ZSCAN18: variants seen among roughly 807,000 people sequenced by gnomAD.
ZSCAN18 encodes the protein zinc finger and SCAN domain-containing protein 18.
A neutral mutation model predicts 31.1 loss-of-function variants in ZSCAN18; 16 were observed. The ratio of observed to expected loss-of-function variants is 0.51; its 90% CI spans 0.35 to 0.78. ZSCAN18 has a LOEUF of 0.78. ZSCAN18 is among the 30% of genes least tolerant of loss of function. The pLI, the probability that ZSCAN18 is intolerant of heterozygous loss-of-function variation, is 0.01. For missense variants in ZSCAN18, 731 were observed against 697.4 expected, an observed-to-expected ratio of 1.05 and a Z score of -0.54; for synonymous variants, 375 against 320.7, an observed-to-expected ratio of 1.17 and a Z score of -1.81.
intron 1 of ZSCAN18, chr19:58,118,256 C>G (rs1281105334): frequency 7.2e-7 from 1 of 1,387,380 alleles, no homozygotes; most frequent in Non-Finnish European, 9.7e-7. Context: ...CTCTGGAGTC[C>G]TTGACCCCAC....
At chr19:58,110,614 C>A (rs2074674415) in intron 1 of ZSCAN18, among the ~76,000 whole-genome samples, 1 of 152,232 alleles carries the variant, frequency 6.6e-6, no homozygotes, top group African/African-American at 2.4e-5. Flanking sequence ...GGAACATACT[C>A]CATTCTCCAC....
chr19:58,085,431 A>G (rs1237213823), intron 6 of ZSCAN18, 52 bp from the exon 7 acceptor site: 30 of 1,458,010 alleles, frequency 2.1e-5, no homozygotes, highest in Non-Finnish European at 2.5e-5. Flanking sequence ...GGCCAGGGAG[A>G]GGAGGACCCA....
intron 1 of ZSCAN18, chr19:58,097,946 T>C: frequency 2.0e-6 from 2 of 984,770 alleles, no homozygotes; most frequent in Non-Finnish European, 2.4e-6. Flanking sequence ...GCAGGGCCCC[T>C]CACCGATCTG....
chr19:58,090,062 C>T lies in ZSCAN18; in HGVS notation c.206G>A (p.Arg69Gln), dbSNP rs200201818. The T allele has an allele frequency of 2.0e-5, 32 of 1,613,758 alleles. No individual in the cohort carries two copies. The highest frequency in any genetic ancestry group is 2.5e-5 in the Non-Finnish European group (30 of 1,179,994). Residue 69 changes from arginine to glutamine, a missense_variant, in exon 2 of 7, where the codon CGG becomes CAG. By Grantham distance (43) the Arg-to-Gln change is conservative. Coordinates refer to ENST00000601144, the MANE Select transcript of ZSCAN18 (RefSeq NM_001145543.2). The surrounding 1 kb of genome is among the most constrained non-coding windows in gnomAD (Gnocchi z 4.7). ...EAAGPHQTLA[R>Q]LHELCRQWLM... Reference sequence around the variant, plus strand: ...CCACTGGCGGCACAGCTCATGCAGCCGGGCCAGGGTCTGGTGGGGCCCGGC... The same window carrying T: ...CCACTGGCGGCACAGCTCATGCAGCTGGGCCAGGGTCTGGTGGGGCCCGGC...
chr19:58,100,422 G>A (rs773278828), upstream of ZSCAN18, among the ~76,000 whole-genome samples: 2 of 152,122 alleles, frequency 1.3e-5, no homozygotes, highest in East Asian at 3.9e-4. Context: ...TCAATCGTGG[G>A]GCAGAGAGAG....
At chr19:58,085,480 G>C in intron 6 of ZSCAN18, 101 bp from the exon 7 acceptor site, 1 of 1,095,940 alleles carries the variant, frequency 9.1e-7, no homozygotes, top group Non-Finnish European at 1.3e-6. Context: ...CAGGGCTCCG[G>C]GCTCTGGATC....
chr19:58,106,298 G>A (rs1301488817), intron 1 of ZSCAN18, among the ~76,000 whole-genome samples: 1 of 152,176 alleles, frequency 6.6e-6, no homozygotes, highest in Non-Finnish European at 1.5e-5. Flanking sequence ...AGCTATGTAG[G>A]AGGCTAAGGT....
At chr19:58,100,699 A>AAGACCAGCC (rs1555802418), upstream of ZSCAN18, among the ~76,000 whole-genome samples, 7 of 150,516 alleles carry the variant, frequency 4.7e-5, no homozygotes, top group Non-Finnish European at 7.4e-5. Flanking sequence ...CGAGGTCAAC[A>AAGACCAGCC]TGGTGAAACC....
rs1427303750 is a variant in ZSCAN18 at position 58,084,655 on chromosome 19, G to A, written c.*30C>T. 4.9e-6 allele frequency: 7 copies of A among 1,442,970 alleles called. No homozygotes were observed. The South Asian group carries it at 8.8e-5, about 18-fold the overall frequency. 89.4% of individuals were successfully genotyped at this position (1,442,970 alleles called of 1,614,324 possible). On this transcript the variant is annotated 3_prime_UTR_variant, in exon 7 of 7. Coordinates refer to ENST00000601144, the MANE Select transcript of ZSCAN18 (RefSeq NM_001145543.2). The surrounding 1 kb of genome is among the most constrained non-coding windows in gnomAD (Gnocchi z 4.5). ...GTCTGGGATTCACGGCCGGCAAAGC[G>A]GCCCCTCCGGAACGGGACAGCACAG...
In ZSCAN18 at chr19:58,108,337, A is replaced by G. The variant is rs1036621157; in HGVS notation, c.130+9930T>C. On this transcript the variant is annotated intron_variant, in intron 1 of 1. Coordinates refer to the ZSCAN18 transcript ENST00000595721. ...GAAAAGGATTTTTCACATTCATTAC[A>G]TTCGAATAGTTTTTCCACAGTATGA... 36 of 985,380 alleles carry G rather than the reference A, an allele frequency of 3.7e-5. No homozygotes were observed. In the African/African-American group the frequency reaches 6.3e-4, roughly 17 times the overall value. 61.0% of individuals were successfully genotyped at this position (985,380 alleles called of 1,614,324 possible).
At chr19:58,088,416 T>G in intron 3 of ZSCAN18, 3 of 385,468 alleles carry the variant, frequency 7.8e-6, no homozygotes, top group Non-Finnish European at 9.7e-6. Flanking sequence ...TTTCAGAGGG[T>G]TCATGGTCGG....
intron 1 of ZSCAN18, chr19:58,107,629 T>C (rs2074645236): frequency 2.7e-5 from 27 of 983,598 alleles, no homozygotes; most frequent in Non-Finnish European, 3.1e-5. Flanking sequence ...GATTTTTTCT[T>C]CCATTTATAG....
intron 1 of ZSCAN18, among the ~76,000 whole-genome samples, chr19:58,116,154 C>T (rs1347979692): frequency 6.7e-6 from 1 of 149,644 alleles, no homozygotes; most frequent in Non-Finnish European, 1.5e-5. Context: ...ACACCCCATA[C>T]TCCATATTGC....
intron 1 of ZSCAN18, among the ~76,000 whole-genome samples, chr19:58,097,032 C>T (rs947881929): frequency 5.3e-5 from 8 of 152,084 alleles, no homozygotes; most frequent in East Asian, 1.9e-4. Context: ...CAACTCGATG[C>T]GACACGTGGT....
rs973881180 is a variant in ZSCAN18, at chr19:58,085,189, G to C, written c.1029C>G (p.Ser343=). ...PDPQDPQDAE[S]DSATGSQRQS... Reference sequence around the variant, plus strand: ...GCCTCTGCGATCCGGTGGCAGAGTCGGACTCCGCGTCCTGGGGGTCCTGCG... The same window carrying C: ...GCCTCTGCGATCCGGTGGCAGAGTCCGACTCCGCGTCCTGGGGGTCCTGCG... The change falls in exon 7 of 7, where the codon TCC becomes TCG. Residue 343 remains serine (S), a synonymous_variant. Transcript: ENST00000601144. 4 of 1,609,984 alleles carry C rather than the reference G, an allele frequency of 2.5e-6. No homozygotes were observed. In the South Asian group the frequency reaches 4.4e-5, roughly 18 times the overall value.
At chr19:58,098,505 CAA>C (rs1197767167), upstream of ZSCAN18, 11 of 574,838 alleles carry the variant, frequency 1.9e-5, no homozygotes, top group East Asian at 1.6e-3. Flanking sequence ...AACGGAGAAA[CAA>C]AGACAAAAAG....
chr19:58,097,338 A>G (rs2074538321), intron 1 of ZSCAN18, among the ~76,000 whole-genome samples: 1 of 151,954 alleles, frequency 6.6e-6, no homozygotes, highest in Non-Finnish European at 1.5e-5. Context: ...GGAGCCCAGG[A>G]GGGTGAGAGA....
chr19:58,114,396 T>G (rs1462004005), intron 1 of ZSCAN18, among the ~76,000 whole-genome samples: 3 of 151,848 alleles, frequency 2.0e-5, no homozygotes, highest in Non-Finnish European at 2.9e-5. Context: ...ATTATGGTTA[T>G]GCAAAAGAAT....
At position 58,090,020 on chromosome 19, in the gene ZSCAN18, C is replaced by T. The variant is rs375610615; in HGVS notation, c.248G>A (p.Arg83His). The change falls in exon 2 of 7, where the codon CGC becomes CAC. Residue 83 changes from arginine (R) to histidine (H), a missense_variant. Arg to His is a conservative substitution (Grantham distance 29). This residue lies in a region of ZSCAN18 where 86 missense variants were observed against 119.1 expected (regional missense o/e 0.72). Coordinates refer to ENST00000601144, the MANE Select transcript of ZSCAN18 (RefSeq NM_001145543.2). This position sits in a 1 kb window ranked among gnomAD's most constrained non-coding sequence, Gnocchi z 4.7. Reference sequence around the variant, plus strand: ...CAGCTCCAGCATCTGCTCCTTGGAGCGCGCCTCAGGCATCAGCCACTGGCG... The same window carrying T: ...CAGCTCCAGCATCTGCTCCTTGGAGTGCGCCTCAGGCATCAGCCACTGGCG... ...LCRQWLMPEA[R>H]SKEQMLELLV... is the part of the protein sequence containing the mutation. 32 of 1,614,008 alleles carry T rather than the reference C, an allele frequency of 2.0e-5. No individual in the cohort carries two copies. The highest frequency in any genetic ancestry group is 4.5e-5 in the East Asian group (2 of 44,886).
Sources: gnomAD v4.1 joint callset for allele counts (sites outside exome capture counted in the v4.1 genomes callset) on GRCh38, gnomAD v4.1.1 for gene constraint, gnomAD v4.1.1 regional missense constraint, Gnocchi (gnomAD v3.1) non-coding constraint, MANE v1.5 for transcripts, NCBI Gene and HGNC (gene_info 2026-07-23, HGNC 2026-07-21) for gene names.